The following SCMH1 variants were observed in gnomAD, a reference collection of about 807,000 sequenced individuals.
SCMH1 encodes the protein Scm polycomb group protein homolog 1.
SCMH1 carries 37 observed loss-of-function variants against 70.8 expected under a neutral mutation model. The observed-to-expected ratio is 0.52, with a 90% CI of 0.40 to 0.69. SCMH1 has a LOEUF of 0.69. Among genes scored for constraint, SCMH1 ranks in the 30% least tolerant of loss-of-function variants. The pLI is 0.00. For missense variants in SCMH1, 607 were observed against 827.3 expected, an observed-to-expected ratio of 0.73 and a Z score of 3.27; for synonymous variants, 292 against 307.4, an observed-to-expected ratio of 0.95 and a Z score of 0.52.
In SCMH1 at chr1:41,046,616, A is replaced by G. The variant is rs370940019; in HGVS notation, c.1307-18T>C. On this transcript the variant is annotated intron_variant, in intron 11 of 14. Coordinates refer to ENST00000337495, the Ensembl canonical transcript of SCMH1. ...AAACACGGCTGTGGAGTGAGTAAAC[A>G]GGGCCAAGCATGTCAGCCTGGCAGT... The G allele has an allele frequency of 6.8e-6, 11 of 1,607,878 alleles. No homozygotes were observed. Among genetic ancestry groups the G allele is most frequent in the African/African-American group, 1.3e-5 (1 of 74,774 alleles).
At chr1:41,226,785 G>A (rs573576113) in intron 1 of SCMH1, among the ~76,000 whole-genome samples, 24 of 152,244 alleles carry the variant, frequency 1.6e-4, no homozygotes, top group African/African-American at 5.5e-4. Context: ...ACAAAGCAAA[G>A]TCACAAGGTA....
chr1:41,077,685 A>C (rs1336530947), intron 8 of SCMH1, among the ~76,000 whole-genome samples: 1 of 152,200 alleles, frequency 6.6e-6, no homozygotes, highest in Non-Finnish European at 1.5e-5. Flanking sequence ...CCGTGTCCAA[A>C]AAACAAGCAT....
chr1:41,086,194 T>C lies in SCMH1; in HGVS notation c.746-10743A>G, dbSNP rs575809449. 3.3e-5 allele frequency among the ~76,000 whole-genome samples: 5 copies of C among 152,300 alleles called. No homozygotes were observed. In the South Asian group the frequency reaches 1.0e-3, roughly 32 times the overall value. On this transcript the variant is annotated intron_variant, in intron 8 of 14. Transcript: ENST00000337495. ...AATTATGTACATAGCTCAAATTACA[T>C]TTCTATTGGACAGTGCATCCCTATA...
intron 1 of SCMH1, among the ~76,000 whole-genome samples, chr1:41,203,374 A>T (rs917861473): frequency 3.3e-5 from 5 of 152,188 alleles, no homozygotes; most frequent in Non-Finnish European, 7.3e-5. Context: ...AAATAAAATA[A>T]AAAATTCATT....
At chr1:41,088,697 A>C (rs749993548) in intron 8 of SCMH1, among the ~76,000 whole-genome samples, 12 of 152,230 alleles carry the variant, frequency 7.9e-5, no homozygotes, top group Non-Finnish European at 1.3e-4. Context: ...AAGTAATTCA[A>C]GTAATTTTTG....
At chr1:41,060,873 C>A (rs913401517) in intron 10 of SCMH1, among the ~76,000 whole-genome samples, 6 of 152,014 alleles carry the variant, frequency 3.9e-5, no homozygotes, top group African/African-American at 1.2e-4. Flanking sequence ...GTGCCAAGAC[C>A]TTGTTGCCAA....
intron 1 of SCMH1, among the ~76,000 whole-genome samples, chr1:41,206,860 G>A (rs1428604295): frequency 3.3e-5 from 5 of 152,162 alleles, no homozygotes; most frequent in Admixed American, 6.5e-5. Context: ...AACCCTATAC[G>A]CCAGAAGCGA....
chr1:41,113,151 C>T lies in SCMH1; in HGVS notation c.745+132G>A. The T allele has an allele frequency of 8.4e-7, 1 of 1,192,074 alleles. No individual in the cohort carries two copies. The highest frequency in any genetic ancestry group is 2.5e-5 in the Admixed American group (1 of 40,642). 73.8% of individuals were successfully genotyped at this position (1,192,074 alleles called of 1,614,324 possible). ...CTCCCTGGTAGACCTGGGTTTTTAC[C>T]TAAGCTGCTGGCCCTTGCTCCTCCC... On this transcript the variant is annotated intron_variant, in intron 8 of 14. Transcript: ENST00000337495. This position sits in a 1 kb window ranked among gnomAD's most constrained non-coding sequence, Gnocchi z 4.3.
At chr1:41,193,335 A>T (rs972097891) in intron 1 of SCMH1, among the ~76,000 whole-genome samples, 2 of 152,226 alleles carry the variant, frequency 1.3e-5, no homozygotes, top group Non-Finnish European at 2.9e-5. Context: ...ATCTAAGCCT[A>T]GTAGTAACAT....
At chr1:41,096,786 T>C (rs1220228661) in intron 8 of SCMH1, among the ~76,000 whole-genome samples, 2 of 151,892 alleles carry the variant, frequency 1.3e-5, no homozygotes, top group Non-Finnish European at 2.9e-5. Flanking sequence ...TTCTTTCTCC[T>C]TTCCCTACCT....
At chr1:41,035,279 C>A (rs948523803) in intron 13 of SCMH1, among the ~76,000 whole-genome samples, 1 of 152,156 alleles carries the variant, frequency 6.6e-6, no homozygotes, top group Non-Finnish European at 1.5e-5. Context: ...TTTACATACT[C>A]TCCCCCTTCC....
intron 5 of SCMH1, among the ~76,000 whole-genome samples, chr1:41,146,922 G>T (rs934447943): frequency 3.3e-5 from 5 of 151,936 alleles, no homozygotes; most frequent in South Asian, 2.1e-4. Flanking sequence ...ATTTTGGTCA[G>T]GCATCTTCTA....
At chr1:41,234,236 A>C (rs1661873127) in intron 1 of SCMH1, among the ~76,000 whole-genome samples, 1 of 152,084 alleles carries the variant, frequency 6.6e-6, no homozygotes. Context: ...GGAGTTTGAC[A>C]ACAGCCTGAC....
exon 13 of SCMH1, chr1:41,037,509 G>C (rs564084016): frequency 1.9e-6 from 3 of 1,614,184 alleles, no homozygotes; most frequent in Non-Finnish European, 2.5e-6. Flanking sequence ...TCCAAGGAGC[G>C]GGCCAGACTA....
At chr1:41,050,669 A>T (rs533654778) in intron 10 of SCMH1, among the ~76,000 whole-genome samples, 14 of 152,328 alleles carry the variant, frequency 9.2e-5, no homozygotes, top group African/African-American at 3.4e-4. Flanking sequence ...GAGCCAGATA[A>T]TAAGAGAGGA....
intron 6 of SCMH1, among the ~76,000 whole-genome samples, chr1:41,130,607 G>A (rs901829845): frequency 2.0e-5 from 3 of 151,934 alleles, no homozygotes; most frequent in Non-Finnish European, 4.4e-5. Flanking sequence ...TACTGAATTA[G>A]ATATGTAAGT....
At chr1:41,074,943 A>G (rs545048240) in intron 9 of SCMH1, among the ~76,000 whole-genome samples, 46 of 152,324 alleles carry the variant, frequency 3.0e-4, no homozygotes, top group African/African-American at 1.1e-3. Flanking sequence ...GCTCACTGCA[A>G]GCTCCACCTC....
At chr1:41,059,838 C>T (rs932895784) in intron 10 of SCMH1, among the ~76,000 whole-genome samples, 1 of 152,002 alleles carries the variant, frequency 6.6e-6, no homozygotes, top group African/African-American at 2.4e-5. Flanking sequence ...TTTGAGTGCA[C>T]GGCGCTGAAA....
chr1:41,075,420 G>A (rs1421004166), exon 9 of SCMH1: 6 of 1,613,826 alleles, frequency 3.7e-6, no homozygotes, highest in African/African-American at 1.3e-5. Context: ...TATTCACATC[G>A]GAGGCAGGAT....
Sources: gnomAD v4.1 joint callset for allele counts (sites outside exome capture counted in the v4.1 genomes callset) on GRCh38, gnomAD v4.1.1 for gene constraint, Gnocchi (gnomAD v3.1) non-coding constraint, MANE v1.5 for transcripts, NCBI Gene and HGNC (gene_info 2026-07-23, HGNC 2026-07-21) for gene names.